SLIT3: variants seen among roughly 807,000 people sequenced by gnomAD.
The protein encoded by SLIT3 is slit homolog 3 protein.
A neutral mutation model predicts 184.0 loss-of-function variants in SLIT3; 68 were observed. That is an observed-to-expected ratio of 0.37 (90% CI 0.30 to 0.45). The LOEUF (loss-of-function observed/expected upper bound fraction) is 0.45. Among genes scored for constraint, SLIT3 ranks in the 20% least tolerant of loss-of-function variants. The pLI is 1.00. For synonymous variants in SLIT3, 831 were observed against 828.6 expected (o/e 1.00, Z -0.05); for missense variants, 1,707 against 2,026.0 (o/e 0.84, Z 3.02).
At chr5:168,727,103 T>G (rs1197271174) in intron 20 of SLIT3, among the ~76,000 whole-genome samples, 1 of 151,928 alleles carries the variant, frequency 6.6e-6, no homozygotes, top group African/African-American at 2.4e-5. Context: ...GTGGATCACT[T>G]GAGGCCAGGA....
intron 4 of SLIT3, among the ~76,000 whole-genome samples, chr5:169,038,634 T>C (rs762413716): frequency 6.6e-6 from 1 of 152,176 alleles, no homozygotes; most frequent in Non-Finnish European, 1.5e-5. Flanking sequence ...GGGACTGGTG[T>C]TCACACCCAT....
chr5:169,181,816 T>C (rs542469731), intron 4 of SLIT3, among the ~76,000 whole-genome samples: 6 of 152,066 alleles, frequency 3.9e-5, no homozygotes, highest in Admixed American at 6.5e-5. Context: ...AAATCCCAAA[T>C]TGAATGAGAC....
intron 7 of SLIT3, among the ~76,000 whole-genome samples, chr5:168,822,941 A>G (rs1005797825): frequency 6.6e-5 from 10 of 152,322 alleles, no homozygotes; most frequent in Non-Finnish European, 8.8e-5. Flanking sequence ...GCTTTGTGAC[A>G]ATGTAAAACT....
chr5:169,262,713 C>T (rs1766237458), intron 1 of SLIT3, among the ~76,000 whole-genome samples: 1 of 150,930 alleles, frequency 6.6e-6, no homozygotes, highest in African/African-American at 2.4e-5. Context: ...CTCATTACTG[C>T]CCTCAGCTTG....
At chr5:168,722,638 A>G (rs980897497) in intron 22 of SLIT3, among the ~76,000 whole-genome samples, 2 of 152,238 alleles carry the variant, frequency 1.3e-5, no homozygotes, top group Non-Finnish European at 2.9e-5. Flanking sequence ...TGAGCAAAAT[A>G]TAATTGTGTA....
At chr5:169,206,502 C>T (rs1355503) in intron 3 of SLIT3, among the ~76,000 whole-genome samples, 4,467 of 152,314 alleles carry the variant, frequency 0.029, 232 homozygotes, top group African/African-American at 0.1. Flanking sequence ...AGGGCAGGTA[C>T]AACTCAGCAC....
intron 3 of SLIT3, among the ~76,000 whole-genome samples, chr5:169,213,864 A>T (rs974143674): frequency 2.0e-5 from 3 of 152,248 alleles, no homozygotes; most frequent in Non-Finnish European, 2.9e-5. Context: ...CTGTTCTAGA[A>T]AAATGTGCAT....
rs768977715 is a variant in SLIT3, at chr5:168,710,979, G to T, written c.2635C>A (p.Pro879Thr). The change falls in exon 25 of 36, where the codon CCT becomes ACT. Residue 879 changes from proline to threonine, a missense_variant. Coordinates refer to ENST00000519560, the MANE Select transcript of SLIT3 (RefSeq NM_003062.4). ...SEWVKAGYKEPGIARCSSPEP... is the reference protein window; with the variant it reads ...SEWVKAGYKETGIARCSSPEP... ...GGGCTACTGCAGCGGGCGATGCCAGGCTCCTTGTACCCCGCCTTCACCCAC... is the reference window on the plus strand; with the variant it reads ...GGGCTACTGCAGCGGGCGATGCCAGTCTCCTTGTACCCCGCCTTCACCCAC... The T allele has an allele frequency of 1.9e-6, 3 of 1,569,056 alleles. No homozygotes were observed. Among genetic ancestry groups the T allele is most frequent in the Non-Finnish European group, 2.6e-6 (3 of 1,156,060 alleles).
At chr5:169,144,236 C>T (rs1252628038) in intron 4 of SLIT3, among the ~76,000 whole-genome samples, 1 of 152,174 alleles carries the variant, frequency 6.6e-6, no homozygotes, top group Non-Finnish European at 1.5e-5. Flanking sequence ...GGTCCTTGTA[C>T]ATGTTCTTCC....
chr5:169,004,370 T>A (rs999197219), intron 4 of SLIT3, among the ~76,000 whole-genome samples: 3 of 152,200 alleles, frequency 2.0e-5, no homozygotes, highest in African/African-American at 7.2e-5. Context: ...TCACTGGCTT[T>A]CAGAATGTCC....
At chr5:168,961,046 G>C (rs1762987931) in intron 4 of SLIT3, among the ~76,000 whole-genome samples, 1 of 152,140 alleles carries the variant, frequency 6.6e-6, no homozygotes, top group East Asian at 1.9e-4. Flanking sequence ...GTAATGAGGA[G>C]TCCATGGATA....
chr5:169,159,690 G>A (rs1381012584), intron 4 of SLIT3, among the ~76,000 whole-genome samples: 2 of 152,086 alleles, frequency 1.3e-5, no homozygotes, highest in African/African-American at 4.8e-5. Flanking sequence ...GCAGAAGAAT[G>A]GCGTGAACCT....
chr5:169,272,748 G>A (rs1244559783), intron 1 of SLIT3, among the ~76,000 whole-genome samples: 1 of 152,234 alleles, frequency 6.6e-6, no homozygotes, highest in African/African-American at 2.4e-5. Context: ...CAGGGAAAAA[G>A]AGATGGAGGT....
intron 5 of SLIT3, among the ~76,000 whole-genome samples, chr5:168,878,017 C>T (rs561012408): frequency 2.0e-5 from 3 of 152,246 alleles, no homozygotes; most frequent in South Asian, 2.1e-4. Flanking sequence ...CTCTCCTTTT[C>T]GCTGTGCCTT....
At chr5:168,918,096 T>TC (rs1562005670) in intron 4 of SLIT3, among the ~76,000 whole-genome samples, 1 of 152,116 alleles carries the variant, frequency 6.6e-6, no homozygotes, top group African/African-American at 2.4e-5. Flanking sequence ...CCTTTTTTTT[T>TC]CCCAACATCC....
chr5:168,849,275 G>A (rs990355842), intron 5 of SLIT3, among the ~76,000 whole-genome samples: 3 of 152,194 alleles, frequency 2.0e-5, no homozygotes, highest in Non-Finnish European at 2.9e-5. Flanking sequence ...ATCTCATCAG[G>A]TGGATGGTTA....
intron 35 of SLIT3, 130 bp from the exon 36 acceptor site, chr5:168,666,819 G>A (rs1481356721): frequency 7.0e-7 from 1 of 1,432,178 alleles, no homozygotes; most frequent in South Asian, 1.2e-5. Flanking sequence ...TCATCCATCT[G>A]CCTACCCTCC....
At chr5:169,164,716 C>G (rs1191399606) in intron 4 of SLIT3, among the ~76,000 whole-genome samples, 1 of 152,232 alleles carries the variant, frequency 6.6e-6, no homozygotes, top group Non-Finnish European at 1.5e-5. Flanking sequence ...CTGCTTTTAT[C>G]TCCAGCATTC....
intron 4 of SLIT3, among the ~76,000 whole-genome samples, chr5:169,050,988 C>G (rs1250982615): frequency 6.6e-6 from 1 of 152,194 alleles, no homozygotes; most frequent in South Asian, 2.1e-4. Flanking sequence ...CTCTTACTGG[C>G]TTTTGTTTTA....
Sources: gnomAD v4.1 joint callset for allele counts (sites outside exome capture counted in the v4.1 genomes callset) on GRCh38, gnomAD v4.1.1 for gene constraint, MANE v1.5 for transcripts, NCBI Gene and HGNC (gene_info 2026-07-23, HGNC 2026-07-21) for gene names.